The following ABCD4 variants were observed in gnomAD, a reference collection of about 807,000 sequenced individuals.
ABCD4 encodes ATP binding cassette subfamily D member 4.
Under a neutral mutation model 86.3 loss-of-function variants are expected in ABCD4, and 53 were observed. That is an observed-to-expected ratio of 0.61 (90% CI 0.49 to 0.77). ABCD4 has a LOEUF of 0.77. Among genes scored for constraint, ABCD4 ranks in the 30% least tolerant of loss-of-function variants. The probability of loss-of-function intolerance (pLI) is 0.00; values close to 1 mark genes in which losing one functional copy is unlikely to be tolerated. For synonymous variants in ABCD4, 328 were observed against 313.6 expected (o/e 1.05, Z -0.49); for missense variants, 757 against 764.5 (o/e 0.99, Z 0.12).
At chr14:74,297,771 G>T in intron 4 of ABCD4, 159 bp downstream of exon 4, 1 of 1,384,368 alleles carries the variant, frequency 7.2e-7, no homozygotes. Flanking sequence ...AGCTTCTCCA[G>T]GAGTCCTCTG....
At chr14:74,301,858 C>T (rs1027383673) in intron 1 of ABCD4, among the ~76,000 whole-genome samples, 6 of 152,112 alleles carry the variant, frequency 3.9e-5, no homozygotes, top group African/African-American at 1.4e-4. Flanking sequence ...GAGATCATGC[C>T]ACTGCATTCC....
chr14:74,298,643 T>G (rs542091208), intron 3 of ABCD4, among the ~76,000 whole-genome samples: 4 of 152,342 alleles, frequency 2.6e-5, no homozygotes, highest in African/African-American at 9.6e-5. Flanking sequence ...TGAGAGTAGA[T>G]GAGCTTCTGA....
In ABCD4 at chr14:74,288,776, A is replaced by T; in HGVS notation, c.1457-11T>A. 1 of 1,613,058 alleles carries T rather than the reference A, an allele frequency of 6.2e-7. No individual in the cohort carries two copies. Among genetic ancestry groups the T allele is most frequent in the Non-Finnish European group, 8.5e-7 (1 of 1,179,610 alleles). ...CATCATCGGCAGAACCTGCACAACA[A>T]AGAAGCCTTCTGCAAAAAGCCAGAG... On this transcript the variant is annotated splice_polypyrimidine_tract_variant and intron_variant, in intron 14 of 18. Coordinates refer to ENST00000356924, the MANE Select transcript of ABCD4 (RefSeq NM_005050.4).
intron 12 of ABCD4, 23 bp downstream of exon 12, chr14:74,290,268 G>A: frequency 4.3e-6 from 7 of 1,614,054 alleles, no homozygotes; most frequent in Non-Finnish European, 5.9e-6. Flanking sequence ...CTGGGTCAGA[G>A]GCAGGGAGGG....
In ABCD4 at chr14:74,295,179, G is replaced by GA; in HGVS notation, c.687dup (p.Arg230SerfsTer49). The GA allele has an allele frequency of 6.2e-7, 1 of 1,614,210 alleles. No homozygotes were observed. The highest frequency in any genetic ancestry group is 8.5e-7 in the Non-Finnish European group (1 of 1,180,036). On this transcript the variant is annotated frameshift_variant, in exon 7 of 19. Transcript: ENST00000356924. LOFTEE classifies it high-confidence loss of function. ...AAAGCAGCAGGCTCCGCATTCACCC[G>GA]AATCTGCATGTGCTTGAACCTGGGC...
chr14:74,290,594 A>G (rs2081235115), intron 11 of ABCD4, 95 bp from the exon 12 acceptor site: 1 of 896,910 alleles, frequency 1.1e-6, no homozygotes, highest in Non-Finnish European at 1.8e-6. Context: ...CCTGTGGATT[A>G]TTATGGGCTG....
intron 6 of ABCD4, 161 bp downstream of exon 6, chr14:74,295,693 T>C (rs2082672658): frequency 1.1e-6 from 1 of 910,032 alleles, no homozygotes; most frequent in African/African-American, 1.7e-5. Context: ...ATTTCCACTT[T>C]AGAGACAAGA....
chr14:74,300,608 A>C (rs925233634), intron 1 of ABCD4, among the ~76,000 whole-genome samples: 3 of 151,794 alleles, frequency 2.0e-5, no homozygotes, highest in African/African-American at 7.3e-5. Context: ...AAAAAAAAAA[A>C]ACCAAAAACA....
At position 74,299,695 on chromosome 14, in the gene ABCD4, T is replaced by C. The variant is rs1247416190; in HGVS notation, c.158-20A>G. The stretch of plus-strand genomic sequence containing the variant: ...ATTGCTCTGAAAGGAGGGAGAGGAG[T>C]AAGAAATCAGTGATGAGGGGTTAAA... On this transcript the variant is annotated intron_variant, in intron 2 of 18. Coordinates refer to ENST00000356924, the MANE Select transcript of ABCD4 (RefSeq NM_005050.4). The C allele has an allele frequency of 1.9e-6, 3 of 1,602,232 alleles. No homozygotes were observed. The highest frequency in any genetic ancestry group is 3.5e-5 in the Admixed American group (2 of 57,860).
At chr14:74,286,871 G>GCTTCT in intron 17 of ABCD4, 55 bp from the exon 18 acceptor site, 2 of 1,531,512 alleles carry the variant, frequency 1.3e-6, no homozygotes, top group Non-Finnish European at 1.8e-6. Flanking sequence ...TGCCGCCGCT[G>GCTTCT]CTTCTCCTCC....
Position 74,295,858 on chromosome 14 carries a change from A to G in ABCD4, c.664T>C (p.Phe222Leu), listed in dbSNP as rs769047468. The change falls in exon 6 of 19, where the codon TTT becomes CTT. Residue 222 changes from phenylalanine to leucine, a missense_variant. Coordinates refer to ENST00000356924, the MANE Select transcript of ABCD4 (RefSeq NM_005050.4). ...LVHQEKLEGD[F>L]RFKHMQIRVN... Reference sequence around the variant, plus strand: ...CCTCAAGTGAGGGAGACACACCTAAAATCTCCCTCCAGCTTCTCCTGATGC... The same window carrying G: ...CCTCAAGTGAGGGAGACACACCTAAGATCTCCCTCCAGCTTCTCCTGATGC... The G allele has an allele frequency of 6.2e-7, 1 of 1,613,480 alleles. No individual in the cohort carries two copies. Among genetic ancestry groups the G allele is most frequent in the Admixed American group, 1.7e-5 (1 of 59,786 alleles).
chr14:74,290,572 C>T (rs530703349), intron 11 of ABCD4, 73 bp from the exon 12 acceptor site: 357 of 1,154,336 alleles, frequency 3.1e-4, no homozygotes, highest in Non-Finnish European at 4.3e-4. Flanking sequence ...GCACTGCTCC[C>T]GGGAGCCACC....
chr14:74,286,541 C>G lies in ABCD4; in HGVS notation c.1753-12G>C, dbSNP rs930102975. The G allele has an allele frequency of 1.1e-5, 17 of 1,614,206 alleles. No individual in the cohort carries two copies. The highest frequency in any genetic ancestry group is 1.4e-5 in the Non-Finnish European group (17 of 1,180,030). On this transcript the variant is annotated splice_polypyrimidine_tract_variant and intron_variant, in intron 18 of 18. Coordinates refer to ENST00000356924, the MANE Select transcript of ABCD4 (RefSeq NM_005050.4). ...ACCAAGGAATGAAACTACAAGAGAC[C>G]ACCACCACATGGAGATCAGGCTGCC...
At chr14:74,293,066 C>A in intron 8 of ABCD4, 88 bp downstream of exon 8, 1 of 1,487,426 alleles carries the variant, frequency 6.7e-7, no homozygotes, top group Non-Finnish European at 9.3e-7. Context: ...GCACATTTAT[C>A]CTTGCAGACA....
intron 1 of ABCD4, among the ~76,000 whole-genome samples, chr14:74,302,533 T>C (rs2084924334): frequency 6.6e-6 from 1 of 152,192 alleles, no homozygotes; most frequent in African/African-American, 2.4e-5. Flanking sequence ...CAAGGAGCCT[T>C]GCATTGGCCC....
rs1436816390 is a variant in ABCD4 at position 74,297,963 on chromosome 14, G to A, written c.392C>T (p.Thr131Ile). The A allele has an allele frequency of 1.2e-6, 2 of 1,613,910 alleles. No homozygotes were observed. The highest frequency in any genetic ancestry group is 1.7e-6 in the Non-Finnish European group (2 of 1,180,008). The change falls in exon 4 of 19, where the codon ACC (threonine) becomes ATC (isoleucine). Residue 131 changes from threonine (T) to isoleucine (I), a missense_variant. Thr to Ile is a moderately conservative substitution (Grantham distance 89). Transcript: ENST00000356924. ...GATGTCATCCCGCAGCACGTTGAGGGTGTAGTACGCACGGCCCCGGAAGTA... is the reference window on the plus strand; with the variant it reads ...GATGTCATCCCGCAGCACGTTGAGGATGTAGTACGCACGGCCCCGGAAGTA... ...RLYFRGRAYY[T>I]LNVLRDDIDN...
chr14:74,292,230 G>T, intron 11 of ABCD4, 57 bp downstream of exon 11: 1 of 1,563,106 alleles, frequency 6.4e-7, no homozygotes, highest in Non-Finnish European at 8.8e-7. Context: ...GGTAACCCAA[G>T]CCAGGTGATG....
rs1026631108 is a variant in ABCD4 at position 74,293,056 on chromosome 14, G to A, written c.814+98C>T. 2.7e-6 allele frequency: 4 copies of A among 1,460,302 alleles called. No homozygotes were observed. The African/African-American group carries it at 4.2e-5, about 15-fold the overall frequency. The allele number at this position is 1,460,302 out of a possible 1,614,324, so 90.5% of individuals were successfully genotyped here. The stretch of plus-strand genomic sequence containing the variant: ...ATCCCCGGTTAATTCCTTCATCATG[G>A]CACATTTATCCTTGCAGACAGGAGG... On this transcript the variant is annotated intron_variant, in intron 8 of 18. Transcript: ENST00000356924.
At chr14:74,294,794 A>T in intron 7 of ABCD4, 1 of 268,884 alleles carries the variant, frequency 3.7e-6, no homozygotes, top group Non-Finnish European at 7.1e-6. Flanking sequence ...TCAGGCTTGA[A>T]CCTCAGGCAC....
Sources: allele counts gnomAD v4.1 joint callset (sites outside exome capture counted in the v4.1 genomes callset), GRCh38; gene constraint gnomAD v4.1.1; transcripts MANE v1.5; gene names NCBI Gene and HGNC (gene_info 2026-07-23, HGNC 2026-07-21).